CSMD2: variants seen among roughly 807,000 people sequenced by gnomAD.
The protein encoded by CSMD2 is CUB and sushi domain-containing protein 2.
In CSMD2, 130 loss-of-function variants were observed where a neutral mutation model predicts 398.5. The observed-to-expected ratio is 0.33, with a 90% CI of 0.28 to 0.38. The LOEUF (loss-of-function observed/expected upper bound fraction) is 0.38. Among genes scored for constraint, CSMD2 ranks in the 10% least tolerant of loss-of-function variants. The probability of loss-of-function intolerance (pLI) is 1.00; values close to 1 mark genes in which losing one functional copy is unlikely to be tolerated. For missense variants in CSMD2, 3,829 were observed against 4,764.9 expected (o/e 0.80, Z 5.78); for synonymous variants, 1,828 against 1,908.5 (o/e 0.96, Z 1.10).
intron 5 of CSMD2, among the ~76,000 whole-genome samples, chr1:33,856,947 C>T (rs940806326): frequency 9.2e-5 from 14 of 151,956 alleles, no homozygotes; most frequent in Non-Finnish European, 8.8e-5. Context: ...CCTCAAGACA[C>T]GACATCTACA....
At chr1:33,526,685 G>C (rs1035280055) in intron 65 of CSMD2, among the ~76,000 whole-genome samples, 4 of 152,202 alleles carry the variant, frequency 2.6e-5, no homozygotes. Context: ...ATCTAGCCTC[G>C]TTTCCTGCAT....
chr1:33,693,203 T>G, intron 24 of CSMD2, 147 bp from the exon 25 acceptor site: 2 of 889,964 alleles, frequency 2.2e-6, no homozygotes, highest in Non-Finnish European at 3.2e-6. Context: ...AAAAGGTCTC[T>G]GGATGAGACT....
At chr1:33,607,273 A>G (rs1054496138) in intron 41 of CSMD2, among the ~76,000 whole-genome samples, 1 of 152,184 alleles carries the variant, frequency 6.6e-6, no homozygotes, top group Non-Finnish European at 1.5e-5. Context: ...ATCTTTACTT[A>G]AAGAAGAGAA....
intron 12 of CSMD2, among the ~76,000 whole-genome samples, chr1:33,780,789 A>G (rs1233582106): frequency 6.6e-6 from 1 of 152,222 alleles, no homozygotes; most frequent in Non-Finnish European, 1.5e-5. Flanking sequence ...AGTGCCTGAA[A>G]AACCTTTAGA....
chr1:33,599,796 C>A, intron 44 of CSMD2: 1 of 202,686 alleles, frequency 4.9e-6, no homozygotes, highest in Non-Finnish European at 9.9e-6. Context: ...GCAGTCACAG[C>A]TGCTTAGGTT....
At chr1:33,684,099 G>C (rs778970511) in intron 25 of CSMD2, among the ~76,000 whole-genome samples, 4 of 152,172 alleles carry the variant, frequency 2.6e-5, no homozygotes, top group Non-Finnish European at 4.4e-5. Context: ...TTGCTGCCCT[G>C]TGACTGATCT....
intron 1 of CSMD2, among the ~76,000 whole-genome samples, chr1:34,162,174 C>CA (rs35659871): frequency 0.36 from 16,689 of 46,672 alleles, 2,220 homozygotes; most frequent in Admixed American, 0.41. Flanking sequence ...AACTCCCTCT[C>CA]AAAAAAAAAA....
intron 7 of CSMD2, among the ~76,000 whole-genome samples, chr1:33,823,585 A>C (rs936382130): frequency 6.6e-6 from 1 of 152,070 alleles, no homozygotes; most frequent in African/African-American, 2.4e-5. Context: ...CAACGCAGGG[A>C]GTCACAGGTG....
intron 5 of CSMD2, among the ~76,000 whole-genome samples, chr1:33,877,649 C>T (rs1282693217): frequency 6.6e-6 from 1 of 152,128 alleles, no homozygotes; most frequent in Non-Finnish European, 1.5e-5. Context: ...GTAAAGGCAC[C>T]CCGAAATTGC....
intron 19 of CSMD2, among the ~76,000 whole-genome samples, chr1:33,722,211 A>C (rs1646380732): frequency 6.6e-6 from 1 of 152,240 alleles, no homozygotes; most frequent in Admixed American, 6.5e-5. Context: ...TTCTTCAGAT[A>C]AATTCCAGTA....
At chr1:33,653,406 G>A (rs137882203) in intron 27 of CSMD2, among the ~76,000 whole-genome samples, 7 of 152,358 alleles carry the variant, frequency 4.6e-5, no homozygotes, top group East Asian at 1.9e-4. Context: ...CCTGCCAAGC[G>A]CAGCTGGTCT....
At chr1:33,825,244 A>C (rs1007640250) in intron 7 of CSMD2, among the ~76,000 whole-genome samples, 6 of 151,598 alleles carry the variant, frequency 4.0e-5, no homozygotes, top group Non-Finnish European at 7.4e-5. Flanking sequence ...GGGCCCTTGG[A>C]GGAGGTTACT....
intron 65 of CSMD2, 58 bp downstream of exon 65, chr1:33,527,138 T>A: frequency 1.4e-6 from 2 of 1,469,988 alleles, no homozygotes; most frequent in Non-Finnish European, 1.9e-6. Flanking sequence ...GTTTTCTGGC[T>A]AACTGTGTGA....
chr1:33,588,299 C>T (rs1364193547), intron 44 of CSMD2, among the ~76,000 whole-genome samples: 2 of 152,150 alleles, frequency 1.3e-5, no homozygotes, highest in African/African-American at 4.8e-5. Flanking sequence ...TTAACAGATA[C>T]TCTGTTAACC....
At chr1:33,815,986 C>T (rs567961069) in intron 9 of CSMD2, among the ~76,000 whole-genome samples, 1 of 152,136 alleles carries the variant, frequency 6.6e-6, no homozygotes, top group South Asian at 2.1e-4. Context: ...CTAATGAAAT[C>T]CACCAAGAAG....
At chr1:33,782,193 AC>A (rs1213691639) in intron 12 of CSMD2, among the ~76,000 whole-genome samples, 1 of 150,368 alleles carries the variant, frequency 6.7e-6, no homozygotes, top group Non-Finnish European at 1.5e-5. Context: ...CCGCCCCCCA[AC>A]CCCTGCTCGT....
intron 4 of CSMD2, among the ~76,000 whole-genome samples, chr1:33,918,600 G>A (rs866396826): frequency 2.6e-5 from 4 of 152,162 alleles, no homozygotes; most frequent in South Asian, 2.1e-4. Context: ...ACATATGAAC[G>A]TGCAAGGCAT....
chr1:34,164,328 C>T lies in CSMD2; in HGVS notation c.187+583G>A, dbSNP rs979283899. Among the ~76,000 whole-genome samples, 3 of 152,030 alleles carry T rather than the reference C, an allele frequency of 2.0e-5. No individual in the cohort carries two copies. The highest frequency in any genetic ancestry group is 4.4e-5 in the Non-Finnish European group (3 of 67,984). On this transcript the variant is annotated intron_variant, in intron 1 of 70. Coordinates refer to ENST00000373381, the MANE Select transcript of CSMD2 (RefSeq NM_001281956.2). This position sits in a 1 kb window ranked among gnomAD's most constrained non-coding sequence, Gnocchi z 6.2. ...ACCTGAACCCCCTCCTAGCTCCGAGCGCCGAGGGAGGGGTAGCATTTGAGG... is the reference window on the plus strand; with the variant it reads ...ACCTGAACCCCCTCCTAGCTCCGAGTGCCGAGGGAGGGGTAGCATTTGAGG...
chr1:33,993,914 T>C (rs995475706), intron 3 of CSMD2, among the ~76,000 whole-genome samples: 3 of 152,146 alleles, frequency 2.0e-5, no homozygotes, highest in African/African-American at 7.2e-5. Context: ...AGGCTACCCC[T>C]TCCAATAAAT....
Sources: allele counts gnomAD v4.1 joint callset (sites outside exome capture counted in the v4.1 genomes callset), GRCh38; gene constraint gnomAD v4.1.1; non-coding constraint Gnocchi (gnomAD v3.1); transcripts MANE v1.5; gene names NCBI Gene and HGNC (gene_info 2026-07-23, HGNC 2026-07-21).